LRRC4C: variants seen among roughly 807,000 people sequenced by gnomAD.
LRRC4C encodes the protein leucine rich repeat containing 4C, also known as leucine-rich repeat-containing protein 4C.
Under a neutral mutation model 33.6 loss-of-function variants are expected in LRRC4C, and 5 were observed. The ratio of observed to expected loss-of-function variants is 0.15; its 90% CI spans 0.08 to 0.31. The LOEUF is 0.31. Ranked by LOEUF, LRRC4C falls within the 10% of genes least tolerant of loss-of-function variation. LRRC4C has a pLI of 1.00. For missense variants in LRRC4C, 560 were observed against 796.7 expected (o/e 0.70, Z 3.58); for synonymous variants, 329 against 302.0 (o/e 1.09, Z -0.93).
At chr11:40,199,539 G>A (rs1251202462) in intron 5 of LRRC4C, among the ~76,000 whole-genome samples, 1 of 152,126 alleles carries the variant, frequency 6.6e-6, no homozygotes, top group Non-Finnish European at 1.5e-5. Flanking sequence ...TATATTTGAA[G>A]TATTCCCCTT....
intron 1 of LRRC4C, among the ~76,000 whole-genome samples, chr11:41,155,995 GAGGA>G (rs942489609): frequency 2.6e-5 from 4 of 152,104 alleles, no homozygotes; most frequent in Non-Finnish European, 5.9e-5. Flanking sequence ...TTCTGAGTCA[GAGGA>G]AGGATTTTAG....
intron 3 of LRRC4C, among the ~76,000 whole-genome samples, chr11:40,349,304 T>A (rs1392776393): frequency 1.3e-5 from 2 of 152,080 alleles, no homozygotes; most frequent in African/African-American, 4.8e-5. Flanking sequence ...CACAAATGGG[T>A]GAGAATATGC....
intron 3 of LRRC4C, among the ~76,000 whole-genome samples, chr11:40,527,366 TA>T (rs1956095643): frequency 6.6e-6 from 1 of 152,216 alleles, no homozygotes; most frequent in African/African-American, 2.4e-5. Context: ...AATGATGATT[TA>T]TTTCCTTTGC....
intron 3 of LRRC4C, among the ~76,000 whole-genome samples, chr11:40,485,375 C>CTT (rs1953804541): frequency 6.6e-6 from 1 of 151,710 alleles, no homozygotes; most frequent in African/African-American, 2.4e-5. Context: ...CTCTCTCTCT[C>CTT]CCTCCCTCTT....
chr11:40,426,203 C>T lies in LRRC4C; in HGVS notation c.-269-106482G>A, dbSNP rs112941786. Among the ~76,000 whole-genome samples, 47 of 151,868 alleles carry T rather than the reference C, an allele frequency of 3.1e-4. 1 individual carries two copies. Among genetic ancestry groups the T allele is most frequent in the African/African-American group, 8.5e-4 (35 of 41,418 alleles). On this transcript the variant is annotated intron_variant, in intron 3 of 6. Coordinates refer to ENST00000528697, the MANE Select transcript of LRRC4C (RefSeq NM_001258419.2). ...TAATTTTTTATATTTTTAGTAGAGA[C>T]GGGGTTTCACCATGTTAGCCAGGAT...
At chr11:40,692,070 A>G (rs1945242563) in intron 2 of LRRC4C, among the ~76,000 whole-genome samples, 1 of 152,066 alleles carries the variant, frequency 6.6e-6, no homozygotes, top group Non-Finnish European at 1.5e-5. Flanking sequence ...CTGAGTTTCC[A>G]TGCAGGTGAG....
chr11:41,299,363 T>C (rs559965775), intron 1 of LRRC4C, among the ~76,000 whole-genome samples: 27 of 152,278 alleles, frequency 1.8e-4, no homozygotes, highest in African/African-American at 6.5e-4. Context: ...AAGGTTACAT[T>C]GCATCAAACC....
intron 2 of LRRC4C, among the ~76,000 whole-genome samples, chr11:40,783,524 G>T (rs910589192): frequency 3.3e-5 from 5 of 151,674 alleles, no homozygotes; most frequent in African/African-American, 9.7e-5. Flanking sequence ...GGCCAGGCTG[G>T]TCTTGAACCC....
At chr11:40,728,318 C>A (rs966428536) in intron 2 of LRRC4C, among the ~76,000 whole-genome samples, 4 of 151,854 alleles carry the variant, frequency 2.6e-5, no homozygotes, top group Non-Finnish European at 4.4e-5. Context: ...GAAAAGAAAT[C>A]ATTTTGGCCG....
chr11:41,297,546 A>AT (rs910359522), intron 1 of LRRC4C, among the ~76,000 whole-genome samples: 1 of 152,164 alleles, frequency 6.6e-6, no homozygotes, highest in South Asian at 2.1e-4. Context: ...AAAAACTTAG[A>AT]TTTTTTGGCA....
intron 1 of LRRC4C, among the ~76,000 whole-genome samples, chr11:41,433,653 C>T (rs528980800): frequency 2.0e-5 from 3 of 152,148 alleles, no homozygotes; most frequent in South Asian, 2.1e-4. Flanking sequence ...ATCTTTCTCC[C>T]GTGCTAGATG....
intron 5 of LRRC4C, among the ~76,000 whole-genome samples, chr11:40,220,663 A>C (rs1864336902): frequency 6.6e-6 from 1 of 152,198 alleles, no homozygotes; most frequent in Non-Finnish European, 1.5e-5. Context: ...TAGAGCTAAT[A>C]AATTCATTTT....
At position 41,410,482 on chromosome 11, in the gene LRRC4C, G is replaced by A. The variant is rs148562155; in HGVS notation, c.-496+48949C>T. Among the ~76,000 whole-genome samples the A allele has an allele frequency of 2.3e-3, 342 of 145,674 alleles. 3 individuals carry two copies. Among genetic ancestry groups the A allele is most frequent in the South Asian group, 4.1e-3 (19 of 4,610 alleles). ...GCTGGAGTGCAGTGGCGCTATCTCC[G>A]CTCCCGGGTTTACGCCATTCGGATC... is the stretch of plus-strand genomic sequence containing the variant. On this transcript the variant is annotated intron_variant, in intron 1 of 6. Coordinates refer to ENST00000528697, the MANE Select transcript of LRRC4C (RefSeq NM_001258419.2).
intron 3 of LRRC4C, among the ~76,000 whole-genome samples, chr11:40,607,093 A>C (rs1419745794): frequency 6.6e-6 from 1 of 152,224 alleles, no homozygotes; most frequent in African/African-American, 2.4e-5. Flanking sequence ...ACAAAGCAAG[A>C]GTAATGTATC....
chr11:40,161,507 A>G (rs1330799024), intron 5 of LRRC4C, among the ~76,000 whole-genome samples: 1 of 152,194 alleles, frequency 6.6e-6, no homozygotes, highest in Non-Finnish European at 1.5e-5. Flanking sequence ...TGATCCTAGC[A>G]CTTTGGGAGG....
intron 4 of LRRC4C, among the ~76,000 whole-genome samples, chr11:40,282,379 C>A (rs1943540034): frequency 6.6e-6 from 1 of 151,782 alleles, no homozygotes; most frequent in South Asian, 2.1e-4. Flanking sequence ...AAAAAAACCC[C>A]AAAAACTTCC....
chr11:40,683,077 T>A (rs992423620), intron 2 of LRRC4C, among the ~76,000 whole-genome samples: 1 of 152,168 alleles, frequency 6.6e-6, no homozygotes, highest in Admixed American at 6.5e-5. Context: ...ACGAGGAGAA[T>A]ACAAGGAAGA....
chr11:40,173,130 G>A (rs2135448526), intron 5 of LRRC4C, among the ~76,000 whole-genome samples: 1 of 152,300 alleles, frequency 6.6e-6, no homozygotes, highest in African/African-American at 2.4e-5. Context: ...AGAGTACACG[G>A]CTCTGATGGC....
At chr11:41,336,482 T>G (rs1370321009) in intron 1 of LRRC4C, among the ~76,000 whole-genome samples, 3 of 151,842 alleles carry the variant, frequency 2.0e-5, no homozygotes, top group African/African-American at 7.3e-5. Context: ...ACCACCAAAA[T>G]GTCAAGTATA....
Sources: gnomAD v4.1 joint callset for allele counts (sites outside exome capture counted in the v4.1 genomes callset) on GRCh38, gnomAD v4.1.1 for gene constraint, MANE v1.5 for transcripts, NCBI Gene and HGNC (gene_info 2026-07-23, HGNC 2026-07-21) for gene names.